Variants in BRD4 observed in about 807,000 individuals in gnomAD.
BRD4 encodes bromodomain containing 4.
BRD4 carries 16 observed loss-of-function variants against 142.1 expected under a neutral mutation model. The observed-to-expected ratio is 0.11, with a 90% CI of 0.08 to 0.17. The LOEUF (loss-of-function observed/expected upper bound fraction) is 0.17. Ranked by LOEUF, BRD4 falls within the 10% of genes least tolerant of loss-of-function variation. The pLI is 1.00. For missense variants in BRD4, 1,424 were observed against 1,810.9 expected (o/e 0.79, Z 3.88); for synonymous variants, 833 against 707.5 (o/e 1.18, Z -2.82).
Position 15,239,040 on chromosome 19 carries a change from C to T in BRD4, c.3782+19G>A. On this transcript the variant is annotated intron_variant, in intron 18 of 19. Coordinates refer to ENST00000679869, the MANE Select transcript of BRD4 (RefSeq NM_001379291.1). The surrounding 1 kb of genome is among the most constrained non-coding windows in gnomAD (Gnocchi z 7.4). Reference sequence around the variant, plus strand: ...TGTGGCCCCAAGAGTCCCCATGCCCCACCCAGACACCCGCCCACCTCATGC... The same window carrying T: ...TGTGGCCCCAAGAGTCCCCATGCCCTACCCAGACACCCGCCCACCTCATGC... 6.3e-7 allele frequency: 1 copy of T among 1,580,946 alleles called. No homozygotes were observed. The highest frequency in any genetic ancestry group is 8.6e-7 in the Non-Finnish European group (1 of 1,167,278).
intron 13 of BRD4, 114 bp from the exon 14 acceptor site, chr19:15,243,601 C>G: frequency 7.2e-7 from 1 of 1,396,978 alleles, no homozygotes; most frequent in Non-Finnish European, 9.3e-7. Flanking sequence ...TGGCCTCCCT[C>G]AAACTGGCAC....
intron 1 of BRD4, among the ~76,000 whole-genome samples, chr19:15,328,570 C>A (rs17721902): frequency 0.015 from 2,281 of 152,264 alleles, 66 homozygotes; most frequent in East Asian, 0.11. Flanking sequence ...AAGTCACTAC[C>A]GAACAATTAT....
chr19:15,243,115 G>GGAGGCT lies in BRD4; in HGVS notation c.2948_2953dup (p.Gln983_Pro984dup), dbSNP rs748014251. 6.8e-7 allele frequency: 1 copy of GGAGGCT among 1,463,580 alleles called. No individual in the cohort carries two copies. Among genetic ancestry groups the GGAGGCT allele is most frequent in the South Asian group, 1.4e-5 (1 of 73,186 alleles). The allele number at this position is 1,463,580 out of a possible 1,614,324, so 90.7% of individuals were successfully genotyped here. ...AGGGGGCTGATGCTGCTGCTGGGGT[G>GGAGGCT]GAGGCTGGGGCTGGGGTGGTGGGGG... On this transcript the variant is annotated inframe_insertion, in exon 14 of 20. Transcript: ENST00000679869.
In BRD4 at chr19:15,237,177, A is replaced by AAAAACC. The variant is rs985271976; in HGVS notation, c.*1194_*1199dup. On this transcript the variant is annotated 3_prime_UTR_variant, in exon 20 of 20. Coordinates refer to ENST00000679869, the MANE Select transcript of BRD4 (RefSeq NM_001379291.1). ...CTCAGTAAAAAACAAAAACAAAAAC[A>AAAAACC]AAAACCAAAACCAAAAAAACCAACT... The AAAAACC allele has an allele frequency of 1.0e-5, 2 of 195,806 alleles. No homozygotes were observed. The highest frequency in any genetic ancestry group is 2.4e-5 in the African/African-American group (1 of 41,942). 12.1% of individuals were successfully genotyped at this position (195,806 alleles called of 1,614,324 possible). A position where few individuals can be genotyped will look rare whatever the true frequency, so the allele number is the denominator to read the frequency against.
rs201031470 is a variant in BRD4 at position 15,265,514 on chromosome 19, G to A, written c.689C>T (p.Pro230Leu). 9.3e-6 allele frequency: 15 copies of A among 1,613,736 alleles called. No individual in the cohort carries two copies. Among genetic ancestry groups the A allele is most frequent in the East Asian group, 2.2e-5 (1 of 44,882 alleles). The change falls in exon 5 of 20, where the codon CCG becomes CTG. Residue 230 changes from proline to leucine, a missense_variant. Transcript: ENST00000679869. ...ATPHPFPAVT[P>L]DLIVQTPVMT... ...GACAGGGGTCTGGACGATGAGGTCCGGGGTGACGGCAGGGAAGGGGTGAGG... is the reference window on the plus strand; with the variant it reads ...GACAGGGGTCTGGACGATGAGGTCCAGGGTGACGGCAGGGAAGGGGTGAGG...
At position 15,267,406 on chromosome 19, in the gene BRD4, A is replaced by T; in HGVS notation, c.559+10T>A. The T allele has an allele frequency of 6.2e-7, 1 of 1,612,398 alleles. No individual in the cohort carries two copies. Among genetic ancestry groups the T allele is most frequent in the Non-Finnish European group, 8.5e-7 (1 of 1,179,416 alleles). ...AGAAAGCCAATTTACTTGCTATTTC[A>T]GTACTCTACCTGTTTCTTTCCTCCC... is the stretch of plus-strand genomic sequence containing the variant. On this transcript the variant is annotated intron_variant, in intron 4 of 19. Coordinates refer to ENST00000679869, the MANE Select transcript of BRD4 (RefSeq NM_001379291.1).
chr19:15,254,403 C>T (rs2047383944), intron 10 of BRD4, 141 bp from the exon 11 acceptor site: 1 of 675,248 alleles, frequency 1.5e-6, no homozygotes, highest in Non-Finnish European at 2.6e-6. Context: ...CTCCCAACTG[C>T]CAGCTGCCAC....
At chr19:15,257,293 T>C (rs2047422176) in intron 7 of BRD4, 120 bp from the exon 8 acceptor site, 2 of 959,274 alleles carry the variant, frequency 2.1e-6, no homozygotes, top group East Asian at 2.7e-5. Context: ...CGAAAGAGGA[T>C]GGTGATCCTG....
chr19:15,321,479 G>C (rs2144993382), intron 1 of BRD4, among the ~76,000 whole-genome samples: 1 of 151,840 alleles, frequency 6.6e-6, no homozygotes, highest in East Asian at 1.9e-4. Context: ...CACATGGTCA[G>C]AGATGGGCAA....
chr19:15,278,105 CAAAAAAAAAAAAAAAAAAAAA>C (rs59204229), intron 1 of BRD4, among the ~76,000 whole-genome samples: 5 of 55,028 alleles, frequency 9.1e-5, no homozygotes, highest in Admixed American at 3.2e-4. Flanking sequence ...GACTCCGTCT[CAAAAAAAAAAAAAAAAAAAAA>C]AAAAAAAAAA....
chr19:15,238,873 TGCTGCTGCTGTTGCTCCTGGC>T lies in BRD4; in HGVS notation c.3869_3889del (p.Arg1290_Gln1296del), dbSNP rs1820486201. The T allele has an allele frequency of 1.9e-6, 3 of 1,599,684 alleles. No individual in the cohort carries two copies. The highest frequency in any genetic ancestry group is 1.3e-5 in the African/African-American group (1 of 74,792). On this transcript the variant is annotated inframe_deletion, in exon 19 of 20. Coordinates refer to ENST00000679869, the MANE Select transcript of BRD4 (RefSeq NM_001379291.1). This position sits in a 1 kb window ranked among gnomAD's most constrained non-coding sequence, Gnocchi z 7.2. ...AGCCACCGCAGCTGCTTGCTGTTGC[TGCTGCTGCTGTTGCTCCTGGC>T]GCTGCTGCTGCTGCTGCTCCTGGCG...
At chr19:15,295,791 T>C (rs536225651) in intron 1 of BRD4, among the ~76,000 whole-genome samples, 14 of 152,276 alleles carry the variant, frequency 9.2e-5, no homozygotes, top group African/African-American at 3.1e-4. Context: ...GCCAACATAG[T>C]GAAACTCTGT....
chr19:15,305,397 C>G (rs1314336926), intron 1 of BRD4, among the ~76,000 whole-genome samples: 1 of 152,194 alleles, frequency 6.6e-6, no homozygotes, highest in Non-Finnish European at 1.5e-5. Flanking sequence ...CCATGGGCTG[C>G]TGTATGGATG....
At chr19:15,293,450 G>T (rs148521963) in intron 1 of BRD4, among the ~76,000 whole-genome samples, 175 of 152,258 alleles carry the variant, frequency 1.1e-3, no homozygotes, top group African/African-American at 4.1e-3. Context: ...CTGGCAACTC[G>T]ATAGCAGGAA....
At chr19:15,305,630 C>T (rs979624022) in intron 1 of BRD4, among the ~76,000 whole-genome samples, 1 of 152,158 alleles carries the variant, frequency 6.6e-6, no homozygotes, top group African/African-American at 2.4e-5. Flanking sequence ...GTAGATTTAG[C>T]ATAATTTAGA....
chr19:15,244,860 A>G, intron 11 of BRD4, 98 bp from the exon 12 acceptor site: 1 of 1,595,806 alleles, frequency 6.3e-7, no homozygotes, highest in Non-Finnish European at 8.5e-7. Context: ...CTTTCAGGAG[A>G]AGGACCAGTG....
chr19:15,267,829 A>G (rs1277794891), intron 3 of BRD4, among the ~76,000 whole-genome samples: 1 of 152,200 alleles, frequency 6.6e-6, no homozygotes, highest in Non-Finnish European at 1.5e-5. Context: ...TGCCTTAAGC[A>G]TCTACCAAGC....
chr19:15,325,341 T>C lies in BRD4; in HGVS notation c.-35+6949A>G, dbSNP rs60650967. On this transcript the variant is annotated intron_variant, in intron 1 of 19. Transcript: ENST00000679869. ...GCAGCAAAAATGAGATAGGACTGGA[T>C]GCCAAGAGGCTGCCCAAGCCCTCCA... Among the ~76,000 whole-genome samples, 6 of 152,266 alleles carry C rather than the reference T, an allele frequency of 3.9e-5. No homozygotes were observed. The East Asian group carries it at 9.7e-4, about 24-fold the overall frequency.
chr19:15,319,399 T>A (rs542825971), intron 1 of BRD4, among the ~76,000 whole-genome samples: 1 of 152,182 alleles, frequency 6.6e-6, no homozygotes, highest in South Asian at 2.1e-4. Context: ...AGGAGGCCGA[T>A]GCTACAGTGA....
Sources: allele counts gnomAD v4.1 joint callset (sites outside exome capture counted in the v4.1 genomes callset), GRCh38; gene constraint gnomAD v4.1.1; non-coding constraint Gnocchi (gnomAD v3.1); transcripts MANE v1.5; gene names NCBI Gene and HGNC (gene_info 2026-07-23, HGNC 2026-07-21).